Variants in EP300 observed in about 807,000 individuals in gnomAD.
EP300 encodes the protein histone acetyltransferase p300.
EP300 carries 31 observed loss-of-function variants against 264.0 expected under a neutral mutation model. The observed-to-expected ratio is 0.12, with a 90% CI of 0.09 to 0.16. The LOEUF (loss-of-function observed/expected upper bound fraction) is 0.16, where lower values mean the gene tolerates loss of function less well. EP300 is among the 10% of genes least tolerant of loss of function. EP300 has a pLI of 1.00. For missense variants in EP300, 2,766 were observed against 3,052.9 expected (o/e 0.91, Z 2.21); for synonymous variants, 1,340 against 1,045.4 (o/e 1.28, Z -5.44).
At position 41,168,498 on chromosome 22, in the gene EP300, C is replaced by G. The variant is rs1444094353; in HGVS notation, c.3924C>G (p.Asp1308Glu). 6.2e-7 allele frequency: 1 copy of G among 1,614,186 alleles called. No homozygotes were observed. Residue 1308 changes from aspartate to glutamate, a missense_variant, in exon 24 of 31, where the codon GAC (aspartate) becomes GAG (glutamate). Physicochemically the swap from Asp to Glu is conservative, Grantham distance 45 (BLOSUM62 2). Coordinates refer to ENST00000263253, the MANE Select transcript of EP300 (RefSeq NM_001429.4). ...LGTFLENRVN[D>E]FLRRQNHPES... ...CCTTTCTAGAGAATCGTGTGAATGA[C>G]TTTCTGAGGCGACAGAATCACCCTG...
intron 1 of EP300, among the ~76,000 whole-genome samples, chr22:41,112,465 C>T (rs1208931019): frequency 6.6e-6 from 1 of 152,180 alleles, no homozygotes; most frequent in East Asian, 1.9e-4. Context: ...TCCCAAAGTG[C>T]TGGGATTACA....
intron 4 of EP300, 63 bp from the exon 5 acceptor site, chr22:41,129,827 T>G: frequency 7.9e-7 from 1 of 1,261,062 alleles, no homozygotes; most frequent in Non-Finnish European, 1.2e-6. Context: ...GGTCAACAAG[T>G]TAGCTATTAT....
chr22:41,107,383 G>T (rs2058763481), intron 1 of EP300, among the ~76,000 whole-genome samples: 1 of 151,078 alleles, frequency 6.6e-6, no homozygotes, highest in Admixed American at 6.6e-5. Flanking sequence ...AAGTACAAAG[G>T]TAAGTGTGTT....
At chr22:41,093,636 C>T (rs951541457) in intron 1 of EP300, among the ~76,000 whole-genome samples, 2 of 152,152 alleles carry the variant, frequency 1.3e-5, no homozygotes, top group African/African-American at 2.4e-5. Context: ...TTTAACAATT[C>T]TTTTATCTTA....
rs1367145568 is a variant in EP300 at position 41,178,183 on chromosome 22, A to G, written c.6472A>G (p.Met2158Val). ...ACCACAGCAGCAACTCCAGCCACCC[A>G]TGGGAGGGATGAGCCCCCAGGCTCA... Reference protein sequence around the residue: ...QQPQQQLQPPMGGMSPQAQQM... With the variant: ...QQPQQQLQPPVGGMSPQAQQM... Residue 2158 changes from methionine (M) to valine (V), a missense_variant, in exon 31 of 31, where the codon ATG becomes GTG. Physicochemically the swap from Met to Val is conservative, Grantham distance 21. Transcript: ENST00000263253. 6 of 1,614,118 alleles carry G rather than the reference A, an allele frequency of 3.7e-6. No individual in the cohort carries two copies. Among genetic ancestry groups the G allele is most frequent in the Non-Finnish European group, 5.1e-6 (6 of 1,180,020 alleles).
rs374523754 is a variant in EP300 at position 41,137,713 on chromosome 22, A to G, written c.1683A>G (p.Gln561=). ...PSLGPMPTAA[Q]PSTTGIRKQW... ...TGGGTCCTATGCCAACAGCAGCTCA[A>G]CCATCCACTACTGGAATTCGGAAAC... Residue 561 remains glutamine, a synonymous_variant, in exon 8 of 31, where the codon CAA becomes CAG. Transcript: ENST00000263253. 2.2e-5 allele frequency: 36 copies of G among 1,613,800 alleles called. No homozygotes were observed. The highest frequency in any genetic ancestry group is 3.0e-5 in the Non-Finnish European group (35 of 1,180,000).
intron 1 of EP300, among the ~76,000 whole-genome samples, chr22:41,094,680 T>A (rs571545035): frequency 6.6e-6 from 1 of 152,336 alleles, no homozygotes; most frequent in South Asian, 2.1e-4. Context: ...TTTAGAGACT[T>A]AATCACCTGT....
chr22:41,108,238 CTTTTTCTTTT>C (rs2058768905), intron 1 of EP300: 1 of 131,456 alleles, frequency 7.6e-6, no homozygotes, highest in East Asian at 2.2e-4. Context: ...TTTTCTTTTT[CTTTTTCTTTT>C]TTTTTTTTTT....
chr22:41,162,993 A>C (rs1481166691), intron 21 of EP300, among the ~76,000 whole-genome samples: 1 of 152,206 alleles, frequency 6.6e-6, no homozygotes, highest in East Asian at 1.9e-4. Context: ...GTTGAATGTG[A>C]AACATTAAAG....
At position 41,147,057 on chromosome 22, in the gene EP300, C is replaced by CCT. The variant is rs1250498320; in HGVS notation, c.2131+241_2131+242insCT. ...TGGTGGCTCACGCTTGTAATCCCAG[C>CCT]ACTTTGGGAGGCCGAGGCTGGTGTA... On this transcript the variant is annotated intron_variant, in intron 11 of 30. Transcript: ENST00000263253. 1.3e-3 allele frequency among the ~76,000 whole-genome samples: 197 copies of CCT among 152,262 alleles called. 2 individuals carry two copies. Among genetic ancestry groups the CCT allele is most frequent in the Non-Finnish European group, 1.2e-4 (8 of 68,020 alleles).
At chr22:41,123,077 T>TACAA (rs2058861428) in intron 2 of EP300, among the ~76,000 whole-genome samples, 1 of 152,184 alleles carries the variant, frequency 6.6e-6, no homozygotes, top group African/African-American at 2.4e-5. Flanking sequence ...AAGAGCTTTG[T>TACAA]ACCTGTCCAA....
rs1201708291 is a variant in EP300 at position 41,149,047 on chromosome 22, T to A, written c.2251T>A (p.Tyr751Asn). 2 of 1,613,216 alleles carry A rather than the reference T, an allele frequency of 1.2e-6. No individual in the cohort carries two copies. Among genetic ancestry groups the A allele is most frequent in the Non-Finnish European group, 1.7e-6 (2 of 1,179,572 alleles). ...TTTTTTTTTTTTTCAGCCTATGGGC[T>A]ATGGGCCTCGTATGCAACAGCCTTC... ...QPGALNPPMG[Y>N]GPRMQQPSNQ... is the part of the protein sequence containing the mutation. Residue 751 changes from tyrosine (Y) to asparagine (N), a missense_variant, in exon 13 of 31, where the codon TAT (tyrosine) becomes AAT (asparagine). Transcript: ENST00000263253.
rs377023755 is a variant in EP300, at chr22:41,105,540, A to G, written c.95-11647A>G. ...CAGCCTCCTGAGTAGCTGGGACTAT[A>G]GGCACATGCCACCACAGCCGGCTAA... On this transcript the variant is annotated intron_variant, in intron 1 of 30. Coordinates refer to ENST00000263253, the MANE Select transcript of EP300 (RefSeq NM_001429.4). Among the ~76,000 whole-genome samples the G allele has an allele frequency of 2.0e-4, 30 of 151,688 alleles. No homozygotes were observed. The South Asian group carries it at 5.8e-3, about 30-fold the overall frequency.
chr22:41,153,915 C>G (rs2059061559), intron 16 of EP300, among the ~76,000 whole-genome samples: 2 of 152,032 alleles, frequency 1.3e-5, no homozygotes, highest in Admixed American at 1.3e-4. Flanking sequence ...CAAATATACT[C>G]TACCGATGAT....
Position 41,179,492 on chromosome 22 carries a change from T to C in EP300, c.*536T>C, listed in dbSNP as rs1051916008. On this transcript the variant is annotated 3_prime_UTR_variant, in exon 31 of 31. Coordinates refer to ENST00000263253, the MANE Select transcript of EP300 (RefSeq NM_001429.4). ...AATATATATTAAAATACCAGTTTTTTTTCTCTGGGTGCAAAGATGTTCATT... is the reference window on the plus strand; with the variant it reads ...AATATATATTAAAATACCAGTTTTTCTTCTCTGGGTGCAAAGATGTTCATT... The C allele has an allele frequency of 1.2e-5, 2 of 173,584 alleles. No homozygotes were observed. The highest frequency in any genetic ancestry group is 2.4e-5 in the Non-Finnish European group (2 of 82,492). The allele number at this position is 173,584 out of a possible 1,614,324, so 10.8% of individuals were successfully genotyped here.
rs1253320448 is a variant in EP300 at position 41,177,643 on chromosome 22, G to A, written c.5932G>A (p.Gly1978Arg). The part of the protein sequence containing the change: ...NPPPMTRGPS[G>R]HLEPGMGPTG... ...ACCTCCCATGACCAGAGGTCCCAGT[G>A]GGCATTTGGAGCCAGGGATGGGACC... is the stretch of plus-strand genomic sequence containing the variant. Residue 1978 changes from glycine to arginine, a missense_variant, in exon 31 of 31, where the codon GGG becomes AGG. Physicochemically the swap from Gly to Arg is moderately radical, Grantham distance 125 (BLOSUM62 -2). Transcript: ENST00000263253. 12 of 1,613,926 alleles carry A rather than the reference G, an allele frequency of 7.4e-6. No homozygotes were observed. The highest frequency in any genetic ancestry group is 1.0e-5 in the Non-Finnish European group (12 of 1,180,028).
chr22:41,176,354 G>A lies in EP300; in HGVS notation c.4887G>A (p.Ala1629=), dbSNP rs747009952. 1.4e-5 allele frequency: 22 copies of A among 1,614,102 alleles called. No homozygotes were observed. The African/African-American group carries it at 2.1e-4, about 16-fold the overall frequency. ...IPCDLMDGRD[A]FLTLARDKHL... Reference sequence around the variant, plus strand: ...GCGATCTGATGGATGGTCGGGATGCGTTTCTCACGCTGGCAAGGGACAAGC... The same window carrying A: ...GCGATCTGATGGATGGTCGGGATGCATTTCTCACGCTGGCAAGGGACAAGC... The change falls in exon 30 of 31, where the codon GCG becomes GCA. Residue 1629 remains alanine (A), a synonymous_variant. Transcript: ENST00000263253.
chr22:41,169,665 C>T (rs1232916373), intron 26 of EP300, 49 bp downstream of exon 26: 1 of 1,087,560 alleles, frequency 9.2e-7, no homozygotes, highest in African/African-American at 1.5e-5. Flanking sequence ...GCATGGCATT[C>T]TGGTGAGATA....
chr22:41,102,193 C>T (rs1048029573), intron 1 of EP300, among the ~76,000 whole-genome samples: 10 of 152,046 alleles, frequency 6.6e-5, no homozygotes, highest in African/African-American at 2.4e-4. Flanking sequence ...GGAACTTATC[C>T]TCTGTACATT....
Sources: allele counts gnomAD v4.1 joint callset (sites outside exome capture counted in the v4.1 genomes callset), GRCh38; gene constraint gnomAD v4.1.1; transcripts MANE v1.5; gene names NCBI Gene and HGNC (gene_info 2026-07-23, HGNC 2026-07-21).